CIBAR1: variants seen among roughly 807,000 people sequenced by gnomAD.
CIBAR1 encodes the protein CBY1 interacting BAR domain containing 1.
CIBAR1 carries 25 observed loss-of-function variants against 44.0 expected under a neutral mutation model. That is an observed-to-expected ratio of 0.57 (90% CI 0.41 to 0.79). The LOEUF (loss-of-function observed/expected upper bound fraction) is 0.79, where lower values mean the gene tolerates loss of function less well. Among genes scored for constraint, CIBAR1 ranks in the 30% least tolerant of loss-of-function variants. The pLI is 0.00. For missense variants in CIBAR1, 278 were observed against 344.8 expected (o/e 0.81, Z 1.53); for synonymous variants, 115 against 119.0 (o/e 0.97, Z 0.22).
intron 6 of CIBAR1, chr8:93,716,213 T>G (rs1811030112): frequency 6.6e-6 from 1 of 152,094 alleles, no homozygotes; most frequent in Non-Finnish European, 1.5e-5. Context: ...CCAGCTAATT[T>G]TTGTATTTTT....
At chr8:93,718,838 T>G in intron 7 of CIBAR1, 50 bp downstream of exon 7, 1 of 1,142,278 alleles carries the variant, frequency 8.8e-7, no homozygotes. Flanking sequence ...GTGGAAATAT[T>G]TAAAAGAGAA....
Position 93,700,651 on chromosome 8 carries a change from A to C in CIBAR1, c.4A>C (p.Met2Leu), listed in dbSNP as rs1273372485. The C allele has an allele frequency of 2.7e-6, 4 of 1,502,312 alleles. No individual in the cohort carries two copies. In the African/African-American group the frequency reaches 5.8e-5, roughly 22 times the overall value. 93.1% of individuals were successfully genotyped at this position (1,502,312 alleles called of 1,614,324 possible). A position where few individuals can be genotyped will look rare whatever the true frequency, so the allele number is the denominator to read the frequency against. ...CCCCGGCCGTGCGCGAGGCAGCATG[A>C]TGAGGCGCACCCTGGAAAACCGGTA... M[M>L]RRTLENRNAQ... Residue 2 changes from methionine to leucine, a missense_variant, in exon 1 of 9, where the codon ATG becomes CTG. Around this residue, in one of 3 missense-constraint regions of CIBAR1, gnomAD observed 183 missense variants for 218.6 expected, o/e 0.84. Coordinates refer to ENST00000518322, the MANE Select transcript of CIBAR1 (RefSeq NM_145269.5).
intron 6 of CIBAR1, among the ~76,000 whole-genome samples, chr8:93,717,396 T>G (rs1158085624): frequency 2.0e-5 from 3 of 152,216 alleles, no homozygotes; most frequent in Non-Finnish European, 4.4e-5. Flanking sequence ...ATAATGCCGT[T>G]TATCCATCAG....
rs77440656 is a variant in CIBAR1, at chr8:93,701,191, A to G, written c.27-33A>G. The G allele has an allele frequency of 4.0e-3, 6,445 of 1,595,858 alleles. 214 individuals are homozygous for G. In the African/African-American group the frequency reaches 0.074, roughly 18 times the overall value. On this transcript the variant is annotated intron_variant, in intron 1 of 8. Transcript: ENST00000518322. ...GTGAAGCCTTCTCATCTCTAACGAG[A>G]ATGTTTTGCCTTTTGTGTCACCTTT... is the stretch of plus-strand genomic sequence containing the variant.
chr8:93,701,524 G>A (rs1203030622), intron 2 of CIBAR1, 66 bp downstream of exon 2: 54 of 1,400,272 alleles, frequency 3.9e-5, no homozygotes, highest in Non-Finnish European at 4.9e-5. Flanking sequence ...AAGGAACCGT[G>A]GAAACTTTCA....
intron 5 of CIBAR1, 24 bp from the exon 6 acceptor site, chr8:93,709,747 C>T (rs1377081325): frequency 6.3e-7 from 1 of 1,593,070 alleles, no homozygotes; most frequent in Non-Finnish European, 8.6e-7. Context: ...TTTTTATATC[C>T]TTGGTTGGGG....
chr8:93,712,829 A>G (rs889174506), intron 6 of CIBAR1, among the ~76,000 whole-genome samples: 1 of 141,332 alleles, frequency 7.1e-6, no homozygotes, highest in African/African-American at 2.7e-5. Flanking sequence ...TTTTCTTAAG[A>G]TAGAGACGAG....
chr8:93,728,055 C>A, intron 8 of CIBAR1, 150 bp from the exon 9 acceptor site: 1 of 457,890 alleles, frequency 2.2e-6, no homozygotes, highest in Non-Finnish European at 3.8e-6. Flanking sequence ...GCTTAAAATT[C>A]ATAGGGAATT....
chr8:93,716,890 C>T (rs1016743020), intron 6 of CIBAR1, among the ~76,000 whole-genome samples: 3 of 152,172 alleles, frequency 2.0e-5, no homozygotes, highest in East Asian at 3.8e-4. Context: ...ATATCCTATA[C>T]GCTGGAGAGC....
At chr8:93,723,218 G>A (rs1314739601) in intron 7 of CIBAR1, among the ~76,000 whole-genome samples, 1 of 152,252 alleles carries the variant, frequency 6.6e-6, no homozygotes, top group Non-Finnish European at 1.5e-5. Flanking sequence ...GGATGGTCTC[G>A]ATCTCCTGAC....
chr8:93,721,081 C>G (rs1434934212), intron 7 of CIBAR1: 2 of 152,136 alleles, frequency 1.3e-5, no homozygotes, highest in Non-Finnish European at 2.9e-5. Context: ...TCCCAGAGAT[C>G]TCATAGCTAG....
chr8:93,727,075 A>G (rs1056155853), intron 8 of CIBAR1: 1 of 591,232 alleles, frequency 1.7e-6, no homozygotes, highest in African/African-American at 1.9e-5. Context: ...ACAACTGTTA[A>G]GTAACACATA....
At position 93,729,266 on chromosome 8, in the gene CIBAR1, T is replaced by C. The variant is rs1260278209; in HGVS notation, c.*969T>C. ...AGAAAGCTTCTGACTTTGTCAATCA[T>C]GGCTCTGTTCTTAACAAAGCACTCC... On this transcript the variant is annotated 3_prime_UTR_variant, in exon 9 of 9. Coordinates refer to ENST00000518322, the MANE Select transcript of CIBAR1 (RefSeq NM_145269.5). 6.6e-6 allele frequency: 1 copy of C among 152,122 alleles called. No individual in the cohort carries two copies. The highest frequency in any genetic ancestry group is 6.5e-5 in the Admixed American group (1 of 15,280). 9.4% of individuals were successfully genotyped at this position (152,122 alleles called of 1,614,324 possible). A position where few individuals can be genotyped will look rare whatever the true frequency, so the allele number is the denominator to read the frequency against.
rs1306336925 is a variant in CIBAR1 at position 93,730,301 on chromosome 8, C to T, written c.*2004C>T. 2.0e-5 allele frequency: 3 copies of T among 152,226 alleles called. No individual in the cohort carries two copies. Among genetic ancestry groups the T allele is most frequent in the East Asian group, 3.8e-4 (2 of 5,202 alleles). 9.4% of individuals were successfully genotyped at this position (152,226 alleles called of 1,614,324 possible). A position where few individuals can be genotyped will look rare whatever the true frequency, so the allele number is the denominator to read the frequency against. ...ATGGATCAAGAATCACTGCTCTTAA[C>T]AGTGATCTCAGTAAATTAATAGAAA... On this transcript the variant is annotated 3_prime_UTR_variant, in exon 9 of 9. Transcript: ENST00000518322.
chr8:93,726,956 G>A (rs1563652934), intron 8 of CIBAR1, among the ~76,000 whole-genome samples: 1 of 152,128 alleles, frequency 6.6e-6, no homozygotes, highest in Non-Finnish European at 1.5e-5. Context: ...GAAAGCTTGA[G>A]TTTCCCAGTA....
chr8:93,704,438 G>A (rs1186071061), intron 3 of CIBAR1, among the ~76,000 whole-genome samples: 1 of 152,194 alleles, frequency 6.6e-6, no homozygotes, highest in Admixed American at 6.5e-5. Context: ...ACTCCTATGA[G>A]AATCTGATGC....
At position 93,731,020 on chromosome 8, in the gene CIBAR1, A is replaced by T. The variant is rs1188186692; in HGVS notation, c.*2723A>T. 1.3e-5 allele frequency: 2 copies of T among 152,188 alleles called. No individual in the cohort carries two copies. Among genetic ancestry groups the T allele is most frequent in the Non-Finnish European group, 2.9e-5 (2 of 68,064 alleles). The allele number at this position is 152,188 out of a possible 1,614,324, so 9.4% of individuals were successfully genotyped here. A position where few individuals can be genotyped will look rare whatever the true frequency, so the allele number is the denominator to read the frequency against. ...TACAAATAATAAAAAATTTAGCCAGACAAGGTGGCACACACCTGTAGTCCC... is the reference window on the plus strand; with the variant it reads ...TACAAATAATAAAAAATTTAGCCAGTCAAGGTGGCACACACCTGTAGTCCC... On this transcript the variant is annotated 3_prime_UTR_variant, in exon 9 of 9. Coordinates refer to ENST00000518322, the MANE Select transcript of CIBAR1 (RefSeq NM_145269.5).
intron 2 of CIBAR1, 84 bp from the exon 3 acceptor site, chr8:93,703,536 C>A: frequency 2.6e-6 from 2 of 773,074 alleles, no homozygotes; most frequent in South Asian, 2.1e-5. Context: ...GATTCTGAGT[C>A]TTATCAATTT....
chr8:93,709,667 T>C (rs765839780), intron 5 of CIBAR1, 104 bp from the exon 6 acceptor site: 1 of 838,774 alleles, frequency 1.2e-6, no homozygotes, highest in Non-Finnish European at 2.0e-6. Flanking sequence ...TACACTGTTA[T>C]GCCAAAAAGC....
Sources: gnomAD v4.1 joint callset for allele counts (sites outside exome capture counted in the v4.1 genomes callset) on GRCh38, gnomAD v4.1.1 for gene constraint, gnomAD v4.1.1 regional missense constraint, MANE v1.5 for transcripts, NCBI Gene and HGNC (gene_info 2026-07-23, HGNC 2026-07-21) for gene names.